DMBX1: variants seen among roughly 807,000 people sequenced by gnomAD.
DMBX1 encodes diencephalon/mesencephalon homeobox protein 1.
In DMBX1, 7 loss-of-function variants were observed where a neutral mutation model predicts 30.4. The ratio of observed to expected loss-of-function variants is 0.23; its 90% confidence interval spans 0.13 to 0.43. The LOEUF (loss-of-function observed/expected upper bound fraction) is 0.43. DMBX1 is among the 20% of genes least tolerant of loss of function. The pLI is 1.00. For synonymous variants in DMBX1, 222 were observed against 214.2 expected (o/e 1.04, Z -0.32); for missense variants, 460 against 508.5 (o/e 0.90, Z 0.92).
rs1267103281 is a variant in DMBX1 at position 46,491,050 on chromosome 1, C to T, written c.-13+267C>T. ...GGCCCTGATGGACTGTGCAGGGTCC[C>T]GGGCACCACCGGCTGAACTTTCTGG... On this transcript the variant is annotated intron_variant, in intron 2 of 5. Coordinates refer to ENST00000360032, the MANE Select transcript of DMBX1 (RefSeq NM_172225.2). This position sits in a 1 kb window ranked among gnomAD's most constrained non-coding sequence, Gnocchi z 5.5. Among the ~76,000 whole-genome samples the T allele has an allele frequency of 6.6e-6, 1 of 152,234 alleles. No individual in the cohort carries two copies. The highest frequency in any genetic ancestry group is 1.5e-5 in the Non-Finnish European group (1 of 68,034).
At chr1:46,490,033 G>A (rs963234326) in intron 1 of DMBX1, among the ~76,000 whole-genome samples, 156 bp downstream of exon 1, 59 of 152,358 alleles carry the variant, frequency 3.9e-4, no homozygotes, top group African/African-American at 1.4e-3. Flanking sequence ...CAGGGAGCCA[G>A]GGACTAGGAG....
At chr1:46,505,758 A>AT (rs1488522410) in intron 2 of DMBX1, among the ~76,000 whole-genome samples, 11 of 150,878 alleles carry the variant, frequency 7.3e-5, no homozygotes, top group African/African-American at 1.9e-4. Context: ...AATAATAATA[A>AT]AAAAAAATAA....
intron 2 of DMBX1, 77 bp from the exon 3 acceptor site, chr1:46,506,922 T>G: frequency 6.5e-7 from 1 of 1,536,434 alleles, no homozygotes; most frequent in South Asian, 1.2e-5. Context: ...ATCCAGGGTC[T>G]GGACTGGGGG....
rs1035628996 is a variant in DMBX1, at chr1:46,491,481, A to G, written c.-13+698A>G. Among the ~76,000 whole-genome samples, 4 of 152,124 alleles carry G rather than the reference A, an allele frequency of 2.6e-5. No homozygotes were observed. Among genetic ancestry groups the G allele is most frequent in the African/African-American group, 9.7e-5 (4 of 41,424 alleles). On this transcript the variant is annotated intron_variant, in intron 2 of 5. Coordinates refer to ENST00000360032, the MANE Select transcript of DMBX1 (RefSeq NM_172225.2). The surrounding 1 kb of genome is among the most constrained non-coding windows in gnomAD (Gnocchi z 5.5). ...GTTTACTAAGGGCGCCTCCAGTTTGAGGGCGTTGGGGAAAGAGGAGGGCTT... is the reference window on the plus strand; with the variant it reads ...GTTTACTAAGGGCGCCTCCAGTTTGGGGGCGTTGGGGAAAGAGGAGGGCTT...
Position 46,507,148 on chromosome 1 carries a change from G to A in DMBX1, c.138G>A (p.Leu46=). ...GGCCTTCAGTGCATGCGCTTACATT[G>A]GCTGAGCGCCTGGCTGGTAAGGGCC... The part of the protein sequence containing the change: ...DYRPSVHALT[L]AERLADIILE... The change falls in exon 3 of 6, where the codon TTG becomes TTA. Residue 46 remains leucine, a synonymous_variant. Coordinates refer to ENST00000360032, the MANE Select transcript of DMBX1 (RefSeq NM_172225.2). 2 of 1,614,180 alleles carry A rather than the reference G, an allele frequency of 1.2e-6. No individual in the cohort carries two copies. The highest frequency in any genetic ancestry group is 8.5e-7 in the Non-Finnish European group (1 of 1,180,034).
intron 2 of DMBX1, among the ~76,000 whole-genome samples, chr1:46,503,585 C>T (rs1666177125): frequency 6.6e-6 from 1 of 152,136 alleles, no homozygotes. Context: ...CAGTTTGTGT[C>T]TGTGATTAAG....
rs1383944096 is a variant in DMBX1 at position 46,515,285 on chromosome 1, A to T, written c.*2791A>T. 2.0e-5 allele frequency among the ~76,000 whole-genome samples: 3 copies of T among 152,052 alleles called. No individual in the cohort carries two copies. The highest frequency in any genetic ancestry group is 6.5e-5 in the Admixed American group (1 of 15,274). The stretch of plus-strand genomic sequence containing the variant: ...TAAAACAAAAAATAATCATCTGGAT[A>T]GGTATGGGAAGCTTCCTAGCTGCTT... On this transcript the variant is annotated 3_prime_UTR_variant, in exon 6 of 6. Coordinates refer to ENST00000360032, the MANE Select transcript of DMBX1 (RefSeq NM_172225.2).
Position 46,512,537 on chromosome 1 carries a change from C to T in DMBX1, c.*43C>T, listed in dbSNP as rs1486443559. ...CAGCCAGGGGTCTTAGGTGTCCCCT[C>T]CTAGCCCTGTGGTTATCCCTAGGTG... On this transcript the variant is annotated 3_prime_UTR_variant, in exon 6 of 6. Coordinates refer to ENST00000360032, the MANE Select transcript of DMBX1 (RefSeq NM_172225.2). This position sits in a 1 kb window ranked among gnomAD's most constrained non-coding sequence, Gnocchi z 4.8. 2 of 1,565,276 alleles carry T rather than the reference C, an allele frequency of 1.3e-6. No individual in the cohort carries two copies. Among genetic ancestry groups the T allele is most frequent in the African/African-American group, 1.4e-5 (1 of 73,978 alleles).
rs1666350106 is a variant in DMBX1 at position 46,510,739 on chromosome 1, C to T, written c.333+85C>T. On this transcript the variant is annotated intron_variant, in intron 4 of 5. Coordinates refer to ENST00000360032, the MANE Select transcript of DMBX1 (RefSeq NM_172225.2). This position sits in a 1 kb window ranked among gnomAD's most constrained non-coding sequence, Gnocchi z 4.1. ...GCTTGTCCAGGAGCCAGCATGTCAT[C>T]CCTGTGCCAAGGTGCAACTGATCTC... 1 of 1,499,956 alleles carries T rather than the reference C, an allele frequency of 6.7e-7. No homozygotes were observed. The highest frequency in any genetic ancestry group is 9.0e-7 in the Non-Finnish European group (1 of 1,115,100). 92.9% of individuals were successfully genotyped at this position (1,499,956 alleles called of 1,614,324 possible).
chr1:46,511,675 A>G (rs1666375003), intron 5 of DMBX1, among the ~76,000 whole-genome samples: 1 of 152,110 alleles, frequency 6.6e-6, no homozygotes, highest in Non-Finnish European at 1.5e-5. Flanking sequence ...GGCATGAGGC[A>G]TATCTCAGAT....
At chr1:46,500,175 G>T (rs575836898) in intron 2 of DMBX1, among the ~76,000 whole-genome samples, 1 of 152,226 alleles carries the variant, frequency 6.6e-6, no homozygotes, top group South Asian at 2.1e-4. Context: ...TGGTGCTGGG[G>T]AGGGGGAGGG....
chr1:46,511,727 C>A (rs1569899340), intron 5 of DMBX1, among the ~76,000 whole-genome samples: 1 of 151,286 alleles, frequency 6.6e-6, no homozygotes, highest in East Asian at 2.0e-4. Context: ...GGGCTGTGAG[C>A]TGAAGGTTGG....
At chr1:46,503,016 A>C (rs887049616) in intron 2 of DMBX1, among the ~76,000 whole-genome samples, 7 of 152,230 alleles carry the variant, frequency 4.6e-5, no homozygotes, top group African/African-American at 1.7e-4. Context: ...GATTAGTGGG[A>C]TTACAATGGG....
At chr1:46,501,213 CCTTTCTTTCTTTCTTT>C (rs764250449) in intron 2 of DMBX1, among the ~76,000 whole-genome samples, 1,217 of 74,422 alleles carry the variant, frequency 0.016, 17 homozygotes, top group Non-Finnish European at 0.019. Flanking sequence ...TTCCTTCCTT[CCTTTCTTTCTTTCTTT>C]CTTTCTTTCT....
intron 3 of DMBX1, among the ~76,000 whole-genome samples, chr1:46,507,782 C>G (rs12567374): frequency 6.6e-6 from 1 of 152,114 alleles, no homozygotes; most frequent in Non-Finnish European, 1.5e-5. Flanking sequence ...GAAATCAGCA[C>G]GGGCTTTCCC....
intron 5 of DMBX1, among the ~76,000 whole-genome samples, chr1:46,511,489 G>C (rs1434973307): frequency 1.3e-5 from 2 of 152,226 alleles, no homozygotes; most frequent in African/African-American, 4.8e-5. Flanking sequence ...TGGGTAGCAG[G>C]GGTGGGATAC....
Position 46,492,212 on chromosome 1 carries a change from TGGGCTTACGGGTCAGCTTCAC to T in DMBX1, c.-13+1434_-13+1454del, listed in dbSNP as rs796548024. On this transcript the variant is annotated intron_variant, in intron 2 of 5. Transcript: ENST00000360032. ...CCTCGGGATGGGCTCTGCCAGATAG[TGGGCTTACGGGTCAGCTTCAC>T]GGGCATCGGGTGAGTGTCTGGAGGA... Among the ~76,000 whole-genome samples, 14 of 152,306 alleles carry T rather than the reference TGGGCTTACGGGTCAGCTTCAC, an allele frequency of 9.2e-5. 1 individual carries two copies. Among genetic ancestry groups the T allele is most frequent in the African/African-American group, 3.4e-4 (14 of 41,572 alleles).
Position 46,511,413 on chromosome 1 carries a change from T to C in DMBX1, c.682+130T>C, listed in dbSNP as rs556689322. On this transcript the variant is annotated intron_variant, in intron 5 of 5. Coordinates refer to ENST00000360032, the MANE Select transcript of DMBX1 (RefSeq NM_172225.2). ...CAGAAAGGACTGACCACAGCAGGCC[T>C]GGGCCAGGTTTTCACCCTTTAGTTG... 575 of 1,094,828 alleles carry C rather than the reference T, an allele frequency of 5.3e-4. 8 individuals are homozygous for C. The South Asian group carries it at 0.01, about 20-fold the overall frequency. 67.8% of individuals were successfully genotyped at this position (1,094,828 alleles called of 1,614,324 possible). A position where few individuals can be genotyped will look rare whatever the true frequency, so the allele number is the denominator to read the frequency against.
In DMBX1 at chr1:46,512,522, T is replaced by C. The variant is rs780695295; in HGVS notation, c.*28T>C. 2.4e-5 allele frequency: 38 copies of C among 1,586,346 alleles called. No homozygotes were observed. Among genetic ancestry groups the C allele is most frequent in the Non-Finnish European group, 3.1e-5 (36 of 1,164,652 alleles). On this transcript the variant is annotated 3_prime_UTR_variant, in exon 6 of 6. Coordinates refer to ENST00000360032, the MANE Select transcript of DMBX1 (RefSeq NM_172225.2). This position sits in a 1 kb window ranked among gnomAD's most constrained non-coding sequence, Gnocchi z 4.8. ...GTCTGGCTTCCAACCCAGCCAGGGG[T>C]CTTAGGTGTCCCCTCCTAGCCCTGT... is the stretch of plus-strand genomic sequence containing the variant.
Sources: allele counts gnomAD v4.1 joint callset (sites outside exome capture counted in the v4.1 genomes callset), GRCh38; gene constraint gnomAD v4.1.1; non-coding constraint Gnocchi (gnomAD v3.1); transcripts MANE v1.5; gene names NCBI Gene and HGNC (gene_info 2026-07-23, HGNC 2026-07-21).